The following CCDC192 variants were observed in gnomAD, a reference collection of about 807,000 sequenced individuals.
CCDC192 encodes the protein coiled-coil domain-containing protein 192.
intron 5 of CCDC192, among the ~76,000 whole-genome samples, chr5:127,803,268 C>A (rs934409442): frequency 2.0e-5 from 3 of 152,124 alleles, no homozygotes; most frequent in Non-Finnish European, 4.4e-5. Context: ...ATTAAATTCT[C>A]ACCCCATTAA....
At chr5:127,744,465 G>C (rs551136883) in intron 2 of CCDC192, among the ~76,000 whole-genome samples, 7 of 152,108 alleles carry the variant, frequency 4.6e-5, no homozygotes, top group Non-Finnish European at 1.0e-4. Context: ...CACTGAGCAG[G>C]GGCTGCTGCT....
At chr5:127,729,050 G>T (rs1223287324) in intron 2 of CCDC192, among the ~76,000 whole-genome samples, 3 of 152,048 alleles carry the variant, frequency 2.0e-5, no homozygotes, top group African/African-American at 4.8e-5. Context: ...GGGACTACAG[G>T]TGCATGCCAC....
chr5:127,757,788 A>G (rs1024661587), intron 3 of CCDC192, among the ~76,000 whole-genome samples: 1 of 96,942 alleles, frequency 1.0e-5, no homozygotes, highest in East Asian at 2.8e-4. Context: ...ACACACACAC[A>G]CACACACACA....
chr5:127,854,294 T>C lies in CCDC192; in HGVS notation c.412-21244T>C, dbSNP rs528010290. Among the ~76,000 whole-genome samples, 3 of 152,336 alleles carry C rather than the reference T, an allele frequency of 2.0e-5. No individual in the cohort carries two copies. The South Asian group carries it at 6.2e-4, about 32-fold the overall frequency. On this transcript the variant is annotated intron_variant, in intron 5 of 6. Coordinates refer to ENST00000514853, the MANE Select transcript of CCDC192 (RefSeq NM_001317938.2). The stretch of plus-strand genomic sequence containing the variant: ...TTCAATTAAATGCCTTCATTTACCC[T>C]TATCTGCAGATGACTTCCTGATTTG...
At chr5:127,908,369 G>A (rs1278414542) in intron 6 of CCDC192, among the ~76,000 whole-genome samples, 1 of 152,118 alleles carries the variant, frequency 6.6e-6, no homozygotes, top group Non-Finnish European at 1.5e-5. Context: ...AGAACTAAAT[G>A]AAATACAATT....
chr5:127,918,965 CTG>C (rs879580393), intron 6 of CCDC192, among the ~76,000 whole-genome samples: 8 of 141,788 alleles, frequency 5.6e-5, no homozygotes, highest in South Asian at 2.4e-4. Context: ...ATGTGTGTGT[CTG>C]TGTGTATATG....
At chr5:127,766,558 C>T (rs1755234918) in intron 3 of CCDC192, among the ~76,000 whole-genome samples, 1 of 140,610 alleles carries the variant, frequency 7.1e-6, no homozygotes, top group Admixed American at 7.5e-5. Context: ...AAGATGTCTA[C>T]TTCTTACTTC....
intron 2 of CCDC192, among the ~76,000 whole-genome samples, chr5:127,731,382 A>G (rs1405601346): frequency 1.3e-5 from 2 of 152,208 alleles, no homozygotes; most frequent in Non-Finnish European, 2.9e-5. Flanking sequence ...AAACAAATGG[A>G]AAAACATTCC....
intron 6 of CCDC192, among the ~76,000 whole-genome samples, chr5:127,925,823 C>T (rs1355446454): frequency 6.6e-6 from 1 of 152,160 alleles, no homozygotes; most frequent in Non-Finnish European, 1.5e-5. Flanking sequence ...CTGAACTGAA[C>T]CCTGTAGTTT....
intron 6 of CCDC192, among the ~76,000 whole-genome samples, chr5:127,905,708 T>A (rs1448422134): frequency 6.6e-6 from 1 of 151,994 alleles, no homozygotes; most frequent in African/African-American, 2.4e-5. Context: ...AGAATTGGAA[T>A]GCAAAAAAAA....
At chr5:127,733,544 T>A (rs144798290) in intron 2 of CCDC192, among the ~76,000 whole-genome samples, 1 of 152,122 alleles carries the variant, frequency 6.6e-6, no homozygotes, top group Non-Finnish European at 1.5e-5. Flanking sequence ...ACAGAACCCA[T>A]ACTAGTTAGG....
chr5:127,908,783 A>G (rs1753266893), intron 6 of CCDC192, among the ~76,000 whole-genome samples: 1 of 152,286 alleles, frequency 6.6e-6, no homozygotes, highest in South Asian at 2.1e-4. Context: ...AACACTGCAT[A>G]GTACAAAGAA....
At chr5:127,855,153 A>T (rs562138629) in intron 5 of CCDC192, among the ~76,000 whole-genome samples, 107 of 152,270 alleles carry the variant, frequency 7.0e-4, no homozygotes, top group Non-Finnish European at 1.3e-3. Flanking sequence ...GCTTTCGTGA[A>T]AGATTCTGTA....
At chr5:127,735,349 A>G (rs994567141) in intron 2 of CCDC192, among the ~76,000 whole-genome samples, 3 of 147,314 alleles carry the variant, frequency 2.0e-5, no homozygotes, top group Non-Finnish European at 3.0e-5. Context: ...TATAGTTTGA[A>G]GTCAGGTAGT....
At chr5:127,819,165 C>G (rs1192554313) in intron 5 of CCDC192, among the ~76,000 whole-genome samples, 1 of 152,092 alleles carries the variant, frequency 6.6e-6, no homozygotes, top group Non-Finnish European at 1.5e-5. Context: ...GATAAAGACC[C>G]CCTACTGTCC....
intron 2 of CCDC192, among the ~76,000 whole-genome samples, chr5:127,711,043 T>C (rs1356328259): frequency 4.6e-5 from 7 of 152,226 alleles, no homozygotes; most frequent in Non-Finnish European, 8.8e-5. Context: ...CATTTGAAGC[T>C]GTTTAGGAAA....
intron 2 of CCDC192, among the ~76,000 whole-genome samples, chr5:127,730,100 A>T (rs1752557579): frequency 6.6e-6 from 1 of 152,182 alleles, no homozygotes; most frequent in African/African-American, 2.4e-5. Context: ...TTATGAAAAA[A>T]TGAATAAAAT....
intron 5 of CCDC192, among the ~76,000 whole-genome samples, chr5:127,798,891 C>G (rs563887242): frequency 1.3e-5 from 2 of 152,148 alleles, no homozygotes; most frequent in African/African-American, 4.8e-5. Flanking sequence ...GCACACTAGC[C>G]TATGTTTACT....
intron 2 of CCDC192, among the ~76,000 whole-genome samples, chr5:127,736,576 G>A (rs1481899809): frequency 6.6e-6 from 1 of 151,866 alleles, no homozygotes; most frequent in South Asian, 2.1e-4. Flanking sequence ...TTTTTGGTTG[G>A]TAAGCTATTG....
Sources: allele counts gnomAD v4.1 joint callset (sites outside exome capture counted in the v4.1 genomes callset), GRCh38; gene constraint gnomAD v4.1.1; transcripts MANE v1.5; gene names NCBI Gene and HGNC (gene_info 2026-07-23, HGNC 2026-07-21).